The following PDK1 variants were observed in gnomAD, a reference collection of about 807,000 sequenced individuals.
PDK1 encodes the protein [Pyruvate dehydrogenase (acetyl-transferring)] kinase isozyme 1, mitochondrial.
In PDK1, 39 loss-of-function variants were observed where a neutral mutation model predicts 54.2. The observed-to-expected ratio is 0.72, with a 90% CI of 0.56 to 0.94. The LOEUF is 0.94. Among genes scored for constraint, PDK1 ranks in the 40% least tolerant of loss-of-function variants. The pLI is 0.00. For synonymous variants in PDK1, 221 were observed against 207.1 expected (o/e 1.07, Z -0.58); for missense variants, 552 against 566.0 (o/e 0.98, Z 0.25).
the PDK1 span, among the ~76,000 whole-genome samples, chr2:172,669,685 G>A: frequency 6.6e-6 from 1 of 152,046 alleles, no homozygotes. Flanking sequence ...ACTTGTTTTG[G>A]TAATAGCAAA....
chr2:172,619,962 C>T, the PDK1 span, among the ~76,000 whole-genome samples: 6 of 152,138 alleles, frequency 3.9e-5, no homozygotes, highest in East Asian at 3.9e-4. Context: ...GTCAGGAGTT[C>T]GAGACCAGCC....
the PDK1 span, among the ~76,000 whole-genome samples, chr2:172,645,076 T>A: frequency 2.0e-5 from 3 of 152,014 alleles, no homozygotes; most frequent in African/African-American, 4.8e-5. Context: ...TTTTCAGGAT[T>A]TTATAAGCCA....
At chr2:172,635,307 A>G in the PDK1 span, among the ~76,000 whole-genome samples, 7,387 of 152,174 alleles carry the variant, frequency 0.049, 390 homozygotes, top group African/African-American at 0.13. Flanking sequence ...GGCCAATTGT[A>G]TTAACTTTTT....
chr2:172,587,179 A>C (rs1690279295), intron 9 of PDK1, among the ~76,000 whole-genome samples: 1 of 152,210 alleles, frequency 6.6e-6, no homozygotes, highest in Non-Finnish European at 1.5e-5. Flanking sequence ...TGCTGACTTC[A>C]AGAATGAAGC....
chr2:172,674,075 A>AGC, the PDK1 span: 1 of 152,252 alleles, frequency 6.6e-6, no homozygotes, highest in Non-Finnish European at 1.5e-5. Context: ...GGCTTGACTA[A>AGC]CAATTTATTG....
intron 6 of PDK1, 129 bp from the exon 7 acceptor site, chr2:172,568,612 G>A: frequency 1.6e-6 from 1 of 639,966 alleles, no homozygotes; most frequent in Admixed American, 2.7e-5. Flanking sequence ...GAAATGGTGT[G>A]GCAGTTCTCC....
At chr2:172,617,025 C>T in the PDK1 span, among the ~76,000 whole-genome samples, 26 of 152,312 alleles carry the variant, frequency 1.7e-4, no homozygotes, top group African/African-American at 5.8e-4. Context: ...TCTCGGCTCA[C>T]TGCAACCTCC....
At chr2:172,647,389 A>G in the PDK1 span, among the ~76,000 whole-genome samples, 1 of 152,178 alleles carries the variant, frequency 6.6e-6, no homozygotes, top group Non-Finnish European at 1.5e-5. Context: ...TGAGGAGCAT[A>G]TGCTGAAAAG....
the PDK1 span, among the ~76,000 whole-genome samples, chr2:172,705,341 C>A: frequency 6.6e-6 from 1 of 152,208 alleles, no homozygotes; most frequent in Non-Finnish European, 1.5e-5. Context: ...AGAATGATTC[C>A]TATAGGAATT....
At chr2:172,614,525 T>G in the PDK1 span, among the ~76,000 whole-genome samples, 1 of 152,122 alleles carries the variant, frequency 6.6e-6, no homozygotes, top group Admixed American at 6.5e-5. Flanking sequence ...AGAGAGAAAC[T>G]GTTAGCAGAG....
chr2:172,686,771 C>G, the PDK1 span, among the ~76,000 whole-genome samples: 1 of 152,176 alleles, frequency 6.6e-6, no homozygotes, highest in Non-Finnish European at 1.5e-5. Context: ...TCGGTGAGAC[C>G]AGGAACACAC....
chr2:172,708,907 T>C, the PDK1 span, among the ~76,000 whole-genome samples: 1 of 152,196 alleles, frequency 6.6e-6, no homozygotes, highest in African/African-American at 2.4e-5. Context: ...CATGTTGGTG[T>C]TCAGCAAGTT....
rs1420554933 is a variant in PDK1 at position 172,597,837 on chromosome 2, GA to G, written c.*1872del. Reference sequence around the variant, plus strand: ...CACTTAAACAGGGGAGCTTTGTCTGGAAAATACACTGAGTTGAAACACTTCA... The same window carrying G: ...CACTTAAACAGGGGAGCTTTGTCTGGAAATACACTGAGTTGAAACACTTCA... On this transcript the variant is annotated 3_prime_UTR_variant, in exon 11 of 11. Transcript: ENST00000282077. The G allele has an allele frequency of 6.6e-6, 1 of 152,204 alleles. No individual in the cohort carries two copies. The highest frequency in any genetic ancestry group is 1.5e-5 in the Non-Finnish European group (1 of 68,038). 9.4% of individuals were successfully genotyped at this position (152,204 alleles called of 1,614,324 possible). A position where few individuals can be genotyped will look rare whatever the true frequency, so the allele number is the denominator to read the frequency against.
At chr2:172,714,085 C>T in the PDK1 span, among the ~76,000 whole-genome samples, 1 of 152,232 alleles carries the variant, frequency 6.6e-6, no homozygotes, top group East Asian at 1.9e-4. Flanking sequence ...TAATTTATTT[C>T]ACTTCATTAG....
chr2:172,697,207 A>G, the PDK1 span, among the ~76,000 whole-genome samples: 1 of 152,124 alleles, frequency 6.6e-6, no homozygotes, highest in East Asian at 1.9e-4. Flanking sequence ...CAACTGCAAA[A>G]CCCACTGGGC....
At chr2:172,638,509 A>G in the PDK1 span, among the ~76,000 whole-genome samples, 1 of 152,254 alleles carries the variant, frequency 6.6e-6, no homozygotes, top group African/African-American at 2.4e-5. Flanking sequence ...TAAAATCTAT[A>G]TAATGGTCTT....
chr2:172,688,726 C>G, the PDK1 span, among the ~76,000 whole-genome samples: 1 of 152,116 alleles, frequency 6.6e-6, no homozygotes, highest in African/African-American at 2.4e-5. Flanking sequence ...CAGTGCACTC[C>G]CCCTAGCACC....
chr2:172,681,198 A>C, the PDK1 span, among the ~76,000 whole-genome samples: 1 of 152,238 alleles, frequency 6.6e-6, no homozygotes, highest in South Asian at 2.1e-4. Flanking sequence ...AGTTGTGCCC[A>C]CAGAGGAAAG....
the PDK1 span, among the ~76,000 whole-genome samples, chr2:172,658,059 C>A: frequency 6.6e-6 from 1 of 152,246 alleles, no homozygotes; most frequent in African/African-American, 2.4e-5. Flanking sequence ...GGATACTAAT[C>A]GAGTGAGAAC....
Sources: gnomAD v4.1 joint callset for allele counts (sites outside exome capture counted in the v4.1 genomes callset) on GRCh38, gnomAD v4.1.1 for gene constraint, MANE v1.5 for transcripts, NCBI Gene and HGNC (gene_info 2026-07-23, HGNC 2026-07-21) for gene names.